MITF: variants seen among roughly 807,000 people sequenced by gnomAD.
MITF encodes microphthalmia-associated transcription factor.
MITF carries 17 observed loss-of-function variants against 60.5 expected under a neutral mutation model. The ratio of observed to expected loss-of-function variants is 0.28; its 90% CI spans 0.19 to 0.42. MITF has a LOEUF of 0.42. Ranked by LOEUF, MITF falls within the 10% of genes least tolerant of loss-of-function variation. The pLI, the probability that MITF is intolerant of heterozygous loss-of-function variation, is 1.00. For synonymous variants in MITF, 260 were observed against 248.5 expected (o/e 1.05, Z -0.43); for missense variants, 622 against 683.5 (o/e 0.91, Z 1.00).
chr3:69,833,227 C>T (rs749817766), intron 1 of MITF, among the ~76,000 whole-genome samples: 2 of 152,162 alleles, frequency 1.3e-5, no homozygotes, highest in African/African-American at 2.4e-5. Context: ...GGTTATTTCC[C>T]TGTTTACACT....
chr3:69,845,858 C>T (rs767258872), intron 1 of MITF, among the ~76,000 whole-genome samples: 5 of 152,156 alleles, frequency 3.3e-5, no homozygotes, highest in Non-Finnish European at 7.4e-5. Context: ...CTCTTAGAGC[C>T]GCGAGCTTCC....
chr3:69,835,571 T>C lies in MITF; in HGVS notation c.105-43563T>C, dbSNP rs984815213. Among the ~76,000 whole-genome samples the C allele has an allele frequency of 5.3e-5, 8 of 151,716 alleles. No individual in the cohort carries two copies. The South Asian group carries it at 8.3e-4, about 16-fold the overall frequency. On this transcript the variant is annotated intron_variant, in intron 1 of 9. Transcript: ENST00000352241. ...TGCCAAGCCCAGTGTTGTGAAGCAT[T>C]TTGCCTGTGTTTTCTTCTAGTAGAG... is the stretch of plus-strand genomic sequence containing the variant.
Position 69,964,840 on chromosome 3 carries a change from A to G in MITF, c.1180-7A>G, listed in dbSNP as rs1238135509. The G allele has an allele frequency of 1.9e-6, 3 of 1,613,884 alleles. No individual in the cohort carries two copies. The highest frequency in any genetic ancestry group is 2.2e-5 in the East Asian group (1 of 44,850). ...ATTTCAGTGTTTTATCTTTACTCTT[A>G]TTATAGGAACTTGAAATGCAGGCTC... On this transcript the variant is annotated splice_polypyrimidine_tract_variant and splice_region_variant and intron_variant, in intron 9 of 9. Transcript: ENST00000352241.
intron 2 of MITF, among the ~76,000 whole-genome samples, chr3:69,903,480 G>A (rs2065035297): frequency 1.3e-5 from 2 of 152,080 alleles, no homozygotes; most frequent in African/African-American, 4.8e-5. Flanking sequence ...GTAAGAGAGT[G>A]TGGACAGGGG....
rs529433378 is a variant in MITF, at chr3:69,744,969, T to C, written c.104+5268T>C. 2.0e-5 allele frequency among the ~76,000 whole-genome samples: 3 copies of C among 152,318 alleles called. No homozygotes were observed. In the South Asian group the frequency reaches 6.2e-4, roughly 32 times the overall value. On this transcript the variant is annotated intron_variant, in intron 1 of 9. Transcript: ENST00000352241. ...TGATGGGTCACATTTATTGAGTATG[T>C]ACTATGTGTGAGCCCCATTCTAAGT...
chr3:69,936,179 C>T (rs544662155), intron 2 of MITF, among the ~76,000 whole-genome samples: 1 of 152,228 alleles, frequency 6.6e-6, no homozygotes, highest in East Asian at 1.9e-4. Context: ...CTCTTCTCTT[C>T]TATACTAAAA....
chr3:69,964,031 C>G (rs530216297), intron 9 of MITF, among the ~76,000 whole-genome samples: 7 of 135,060 alleles, frequency 5.2e-5, no homozygotes, highest in Non-Finnish European at 1.1e-4. Context: ...GGCTGGAGCG[C>G]AATGGCGCAA....
At chr3:69,936,080 G>T (rs144678042) in intron 2 of MITF, among the ~76,000 whole-genome samples, 1 of 152,220 alleles carries the variant, frequency 6.6e-6, no homozygotes, top group East Asian at 1.9e-4. Flanking sequence ...TCAATAGGCA[G>T]GTTACACATC....
At chr3:69,819,218 C>G (rs974471202) in intron 1 of MITF, among the ~76,000 whole-genome samples, 1 of 152,180 alleles carries the variant, frequency 6.6e-6, no homozygotes, top group African/African-American at 2.4e-5. Context: ...TTTTCTATAA[C>G]CTTCTTCCTC....
At chr3:69,934,331 G>A (rs543650885) in intron 2 of MITF, among the ~76,000 whole-genome samples, 4 of 152,278 alleles carry the variant, frequency 2.6e-5, no homozygotes, top group African/African-American at 4.8e-5. Flanking sequence ...CATCCTGTGA[G>A]ATATCTACTA....
At chr3:69,923,687 C>T (rs1471304750) in intron 2 of MITF, among the ~76,000 whole-genome samples, 3 of 152,198 alleles carry the variant, frequency 2.0e-5, no homozygotes, top group Non-Finnish European at 4.4e-5. Flanking sequence ...TTTCCTACCT[C>T]CTTTAAAATT....
intron 1 of MITF, among the ~76,000 whole-genome samples, chr3:69,863,902 T>A (rs1278746125): frequency 6.6e-6 from 1 of 152,164 alleles, no homozygotes; most frequent in Non-Finnish European, 1.5e-5. Flanking sequence ...TCTGATATGG[T>A]TATTCCCTAT....
intron 1 of MITF, among the ~76,000 whole-genome samples, chr3:69,846,541 G>A (rs1034735545): frequency 2.6e-5 from 4 of 152,116 alleles, no homozygotes; most frequent in Admixed American, 2.6e-4. Context: ...TTGGCCAGCC[G>A]CAGTGGCTCA....
chr3:69,938,813 C>T lies in MITF; in HGVS notation c.583-285C>T, dbSNP rs560379265. 4.2e-5 allele frequency: 59 copies of T among 1,389,366 alleles called. No homozygotes were observed. The South Asian group carries it at 5.8e-4, about 14-fold the overall frequency. The allele number at this position is 1,389,366 out of a possible 1,614,324, so 86.1% of individuals were successfully genotyped here. On this transcript the variant is annotated intron_variant, in intron 3 of 9. Coordinates refer to ENST00000352241, the MANE Select transcript of MITF (RefSeq NM_001354604.2). ...GGACTATGAAGTGTTTATGCAAATT[C>T]GGAGGCAACTTTTCTAGAGTTGGAT...
At position 69,848,062 on chromosome 3, in the gene MITF, G is replaced by A. The variant is rs115100609; in HGVS notation, c.105-31072G>A. On this transcript the variant is annotated intron_variant, in intron 1 of 9. Coordinates refer to ENST00000352241, the MANE Select transcript of MITF (RefSeq NM_001354604.2). ...CTTCTGCTTATTTTCCGTGTAGATA[G>A]AATGAACTCAGTTGTTACGATGCTC... Among the ~76,000 whole-genome samples, 538 of 152,076 alleles carry A rather than the reference G, an allele frequency of 3.5e-3. 1 individual carries two copies. Among genetic ancestry groups the A allele is most frequent in the African/African-American group, 0.012 (497 of 41,460 alleles).
chr3:69,944,842 G>A (rs1559739107), intron 5 of MITF, among the ~76,000 whole-genome samples: 1 of 151,910 alleles, frequency 6.6e-6, no homozygotes, highest in Non-Finnish European at 1.5e-5. Flanking sequence ...GATGAACTTG[G>A]GTTTTAGTTG....
intron 4 of MITF, 60 bp downstream of exon 4, chr3:69,939,241 G>T: frequency 6.8e-7 from 1 of 1,462,652 alleles, no homozygotes; most frequent in Non-Finnish European, 9.6e-7. Context: ...TATATTTGTG[G>T]TGGATCACAC....
chr3:69,889,745 G>C (rs544483872), intron 2 of MITF, among the ~76,000 whole-genome samples: 1 of 152,082 alleles, frequency 6.6e-6, no homozygotes, highest in Non-Finnish European at 1.5e-5. Flanking sequence ...AATTGAAAAA[G>C]TTAGATTCAT....
Position 69,967,479 on chromosome 3 carries a change from T to G in MITF, c.*2231T>G. ...TTTTCCTTAGCTGATTTTGAGGGTT[T>G]TTAAAAATAAAGCAAGGTTGACTAA... is the stretch of plus-strand genomic sequence containing the variant. On this transcript the variant is annotated 3_prime_UTR_variant, in exon 10 of 10. Coordinates refer to ENST00000352241, the MANE Select transcript of MITF (RefSeq NM_001354604.2). 4.3e-6 allele frequency: 1 copy of G among 233,578 alleles called. No individual in the cohort carries two copies. The highest frequency in any genetic ancestry group is 6.0e-5 in the East Asian group (1 of 16,564). The allele number at this position is 233,578 out of a possible 1,614,324, so 14.5% of individuals were successfully genotyped here.
Sources: allele counts gnomAD v4.1 joint callset (sites outside exome capture counted in the v4.1 genomes callset), GRCh38; gene constraint gnomAD v4.1.1; transcripts MANE v1.5; gene names NCBI Gene and HGNC (gene_info 2026-07-23, HGNC 2026-07-21).